ANKIB1: variants seen among roughly 807,000 people sequenced by gnomAD.
ANKIB1 encodes ankyrin repeat and IBR domain-containing protein 1.
In ANKIB1, 43 loss-of-function variants were observed where a neutral mutation model predicts 122.1. The ratio of observed to expected loss-of-function variants is 0.35; its 90% CI spans 0.28 to 0.45. The LOEUF is 0.45. ANKIB1 is among the 20% of genes least tolerant of loss of function. The pLI is 1.00. For synonymous variants in ANKIB1, 390 were observed against 442.0 expected (o/e 0.88, Z 1.48); for missense variants, 992 against 1,329.5 (o/e 0.75, Z 3.95).
intron 11 of ANKIB1, among the ~76,000 whole-genome samples, chr7:92,380,295 C>T (rs754337568): frequency 6.6e-6 from 1 of 152,160 alleles, no homozygotes; most frequent in Non-Finnish European, 1.5e-5. Flanking sequence ...GACTCCACCT[C>T]TGGGGGCAGG....
At chr7:92,276,039 G>A (rs1489600316) in intron 1 of ANKIB1, among the ~76,000 whole-genome samples, 1 of 151,960 alleles carries the variant, frequency 6.6e-6, no homozygotes, top group Non-Finnish European at 1.5e-5. Flanking sequence ...TAATAAAAAA[G>A]TTTTGCAAAA....
chr7:92,371,883 C>G (rs1804262772), intron 11 of ANKIB1, among the ~76,000 whole-genome samples: 1 of 151,210 alleles, frequency 6.6e-6, no homozygotes, highest in Non-Finnish European at 1.5e-5. Flanking sequence ...ATCAGAAATT[C>G]ATGAATCCTT....
intron 3 of ANKIB1, among the ~76,000 whole-genome samples, chr7:92,315,622 GA>G (rs1205456928): frequency 6.6e-6 from 1 of 152,166 alleles, no homozygotes; most frequent in Admixed American, 6.5e-5. Context: ...AAAGATGCAA[GA>G]GAAGAATTTC....
chr7:92,325,669 C>T (rs1803011524), intron 4 of ANKIB1, among the ~76,000 whole-genome samples: 1 of 149,816 alleles, frequency 6.7e-6, no homozygotes, highest in Non-Finnish European at 1.5e-5. Flanking sequence ...CATGTTTTAC[C>T]AATAGGGAGG....
intron 1 of ANKIB1, among the ~76,000 whole-genome samples, chr7:92,281,263 T>C (rs1802007410): frequency 6.6e-6 from 1 of 152,216 alleles, no homozygotes; most frequent in African/African-American, 2.4e-5. Flanking sequence ...CATAGGTACC[T>C]TCTAACTAGC....
Position 92,399,073 on chromosome 7 carries a change from A to G in ANKIB1, c.*124A>G. 9.1e-7 allele frequency: 1 copy of G among 1,100,538 alleles called. No individual in the cohort carries two copies. Among genetic ancestry groups the G allele is most frequent in the Non-Finnish European group, 1.2e-6 (1 of 831,710 alleles). 68.2% of individuals were successfully genotyped at this position (1,100,538 alleles called of 1,614,324 possible). A position where few individuals can be genotyped will look rare whatever the true frequency, so the allele number is the denominator to read the frequency against. ...TGATAAACCACTGACATTAGGGTTG[A>G]ATACAGAGAAGTTCCCTTGAATGGT... is the stretch of plus-strand genomic sequence containing the variant. On this transcript the variant is annotated 3_prime_UTR_variant, in exon 20 of 20. Coordinates refer to ENST00000265742, the MANE Select transcript of ANKIB1 (RefSeq NM_019004.2).
chr7:92,381,175 T>TA (rs1347324004), intron 11 of ANKIB1, among the ~76,000 whole-genome samples: 1 of 151,722 alleles, frequency 6.6e-6, no homozygotes, highest in Non-Finnish European at 1.5e-5. Context: ...ATGACGCAAG[T>TA]AGGGAAGTTG....
intron 5 of ANKIB1, among the ~76,000 whole-genome samples, chr7:92,328,544 G>C (rs1230046476): frequency 6.6e-6 from 1 of 152,060 alleles, no homozygotes; most frequent in Non-Finnish European, 1.5e-5. Context: ...TCACATGCTG[G>C]ATTGGATCTT....
At chr7:92,333,084 A>G (rs372298211) in intron 5 of ANKIB1, among the ~76,000 whole-genome samples, 10 of 152,096 alleles carry the variant, frequency 6.6e-5, no homozygotes, top group East Asian at 3.9e-4. Flanking sequence ...CACCTCCCCA[A>G]TCTTAAACTT....
chr7:92,398,596 A>G lies in ANKIB1; in HGVS notation c.2917A>G (p.Ile973Val). 3 of 1,614,000 alleles carry G rather than the reference A, an allele frequency of 1.9e-6. No individual in the cohort carries two copies. The highest frequency in any genetic ancestry group is 2.5e-6 in the Non-Finnish European group (3 of 1,179,878). Residue 973 changes from isoleucine (I) to valine (V), a missense_variant, in exon 20 of 20, where the codon ATC (isoleucine) becomes GTC (valine). Transcript: ENST00000265742. ...CATCAATGACAATCTTCTCGGCAAC[A>G]TCATGGCTTGGTTTCATGACATGAA... The part of the protein sequence containing the change: ...PNINDNLLGN[I>V]MAWFHDMNPQ...
chr7:92,345,133 T>G (rs1803513204), intron 7 of ANKIB1, 67 bp downstream of exon 7: 1 of 1,175,196 alleles, frequency 8.5e-7, no homozygotes, highest in African/African-American at 1.5e-5. Context: ...ATAAAATTGT[T>G]TGCTTTCAGT....
intron 1 of ANKIB1, among the ~76,000 whole-genome samples, chr7:92,285,291 A>G (rs1006437080): frequency 1.3e-5 from 2 of 152,252 alleles, no homozygotes; most frequent in African/African-American, 4.8e-5. Flanking sequence ...CTAGGATTAC[A>G]GACGTGAGCC....
At chr7:92,291,280 C>T (rs1017550438) in intron 1 of ANKIB1, among the ~76,000 whole-genome samples, 12 of 147,248 alleles carry the variant, frequency 8.1e-5, no homozygotes, top group Non-Finnish European at 1.3e-4. Context: ...GGCAACAGAG[C>T]GAGATCCCGT....
At chr7:92,357,798 C>T (rs1216683503) in intron 9 of ANKIB1, among the ~76,000 whole-genome samples, 3 of 151,456 alleles carry the variant, frequency 2.0e-5, no homozygotes, top group African/African-American at 7.3e-5. Context: ...CTAGCATCTT[C>T]ACTACTTTTC....
At chr7:92,283,335 C>T (rs992004521) in intron 1 of ANKIB1, among the ~76,000 whole-genome samples, 2 of 152,070 alleles carry the variant, frequency 1.3e-5, no homozygotes, top group African/African-American at 2.4e-5. Context: ...ATTTTCGCTA[C>T]CCTCTAATAC....
In ANKIB1 at chr7:92,386,719, C is replaced by G. The variant is rs934061056; in HGVS notation, c.1752+76C>G. On this transcript the variant is annotated intron_variant, in intron 12 of 19. Transcript: ENST00000265742. The stretch of plus-strand genomic sequence containing the variant: ...CTGGAATTATTTTGTATTTCTTTTT[C>G]TATTTTCATCTTAATAAAGTATTAA... The G allele has an allele frequency of 6.2e-6, 8 of 1,282,088 alleles. No individual in the cohort carries two copies. The African/African-American group carries it at 1.2e-4, about 20-fold the overall frequency. 79.4% of individuals were successfully genotyped at this position (1,282,088 alleles called of 1,614,324 possible).
intron 11 of ANKIB1, among the ~76,000 whole-genome samples, chr7:92,372,590 A>C (rs1158917974): frequency 5.9e-5 from 9 of 152,176 alleles, no homozygotes; most frequent in Non-Finnish European, 1.3e-4. Context: ...GAAAATGAAA[A>C]TGCCAACCAA....
At chr7:92,276,506 A>G (rs531272079) in intron 1 of ANKIB1, among the ~76,000 whole-genome samples, 4 of 152,326 alleles carry the variant, frequency 2.6e-5, no homozygotes, top group African/African-American at 9.6e-5. Context: ...AGGCCTTTGT[A>G]AGGATAGCCA....
rs1349481383 is a variant in ANKIB1, at chr7:92,318,307, G to A, written c.487-1023G>A. Among the ~76,000 whole-genome samples the A allele has an allele frequency of 2.0e-5, 3 of 152,206 alleles. No homozygotes were observed. In the East Asian group the frequency reaches 5.8e-4, roughly 29 times the overall value. On this transcript the variant is annotated intron_variant, in intron 3 of 19. Coordinates refer to ENST00000265742, the MANE Select transcript of ANKIB1 (RefSeq NM_019004.2). ...AAGGCGGGTGGATCACCTGAAGTCA[G>A]GAGTTCAAGACTAGCCTAAGCAACA...
Sources: gnomAD v4.1 joint callset for allele counts (sites outside exome capture counted in the v4.1 genomes callset) on GRCh38, gnomAD v4.1.1 for gene constraint, MANE v1.5 for transcripts, NCBI Gene and HGNC (gene_info 2026-07-23, HGNC 2026-07-21) for gene names.